The following VWC2 variants were observed in gnomAD, a reference collection of about 807,000 sequenced individuals.
VWC2 encodes the protein brorin.
A neutral mutation model predicts 29.8 loss-of-function variants in VWC2; 14 were observed. The observed-to-expected ratio is 0.47, with a 90% CI of 0.31 to 0.74. The LOEUF (loss-of-function observed/expected upper bound fraction) is 0.74, where lower values mean the gene tolerates loss of function less well. Among genes scored for constraint, VWC2 ranks in the 30% least tolerant of loss-of-function variants. The pLI is 0.05. For synonymous variants in VWC2, 213 were observed against 199.0 expected (o/e 1.07, Z -0.59); for missense variants, 457 against 459.8 (o/e 0.99, Z 0.05).
rs1335687978 is a variant in VWC2 at position 49,917,304 on chromosome 7, C to A, written c.*5119C>A. The A allele has an allele frequency of 6.6e-6, 1 of 152,112 alleles. No individual in the cohort carries two copies. Among genetic ancestry groups the A allele is most frequent in the Non-Finnish European group, 1.5e-5 (1 of 67,990 alleles). The allele number at this position is 152,112 out of a possible 1,614,324, so 9.4% of individuals were successfully genotyped here. On this transcript the variant is annotated 3_prime_UTR_variant, in exon 4 of 4. Transcript: ENST00000340652. ...AGCACCTGCTATTCTAGCCTTAACA[C>A]AAAGATTTGGCTAATTTTTAAATGA...
intron 3 of VWC2, among the ~76,000 whole-genome samples, chr7:49,844,683 T>TTTTTTA (rs1049942678): frequency 6.6e-6 from 1 of 152,116 alleles, no homozygotes; most frequent in Non-Finnish European, 1.5e-5. Flanking sequence ...GGCAAGTCAC[T>TTTTTTA]TTTTTATTTT....
chr7:49,887,739 G>A (rs1791961957), intron 3 of VWC2, among the ~76,000 whole-genome samples: 1 of 152,122 alleles, frequency 6.6e-6, no homozygotes. Context: ...TGTTGAATTA[G>A]GAAGTCTATA....
intron 3 of VWC2, among the ~76,000 whole-genome samples, chr7:49,881,164 G>A (rs953291216): frequency 6.6e-6 from 1 of 152,128 alleles, no homozygotes; most frequent in Non-Finnish European, 1.5e-5. Flanking sequence ...AGCCTTCGGG[G>A]CTACTAGGCT....
At position 49,918,444 on chromosome 7, in the gene VWC2, T is replaced by C. The variant is rs1390125516; in HGVS notation, c.*6259T>C. The C allele has an allele frequency of 6.6e-6, 1 of 152,222 alleles. No individual in the cohort carries two copies. The highest frequency in any genetic ancestry group is 1.5e-5 in the Non-Finnish European group (1 of 68,032). The allele number at this position is 152,222 out of a possible 1,614,324, so 9.4% of individuals were successfully genotyped here. A position where few individuals can be genotyped will look rare whatever the true frequency, so the allele number is the denominator to read the frequency against. ...ATATCAATCTTGATACTTGTCAAAG[T>C]AAATAGTAGCTCGTCACAAAAATGT... On this transcript the variant is annotated 3_prime_UTR_variant, in exon 4 of 4. Coordinates refer to ENST00000340652, the MANE Select transcript of VWC2 (RefSeq NM_198570.5).
chr7:49,822,144 G>T (rs767256730), intron 3 of VWC2, among the ~76,000 whole-genome samples: 1 of 151,728 alleles, frequency 6.6e-6, no homozygotes, highest in Admixed American at 6.6e-5. Flanking sequence ...CTTTATTTTG[G>T]CTGCATATTT....
At chr7:49,899,516 T>C (rs1335369542) in intron 3 of VWC2, among the ~76,000 whole-genome samples, 1 of 151,910 alleles carries the variant, frequency 6.6e-6, no homozygotes, top group African/African-American at 2.4e-5. Flanking sequence ...AAATAAAGGA[T>C]AAGTAGCTAT....
chr7:49,809,473 C>T (rs1042820853), intron 3 of VWC2, among the ~76,000 whole-genome samples: 2 of 151,978 alleles, frequency 1.3e-5, no homozygotes, highest in African/African-American at 4.8e-5. Flanking sequence ...TTTACAAACT[C>T]ACCCAGGAAA....
rs564683849 is a variant in VWC2 at position 49,818,582 on chromosome 7, G to C, written c.826+15742G>C. On this transcript the variant is annotated intron_variant, in intron 3 of 3. Transcript: ENST00000340652. ...AGAGCAACATCCAATCTGCATAGAG[G>C]CTCTGCAGGACCCCGAGAGAGAGTA... Among the ~76,000 whole-genome samples the C allele has an allele frequency of 8.5e-5, 13 of 152,064 alleles. No individual in the cohort carries two copies. In the South Asian group the frequency reaches 2.7e-3, roughly 32 times the overall value.
chr7:49,854,174 T>C (rs1205639806), intron 3 of VWC2, among the ~76,000 whole-genome samples: 2 of 152,212 alleles, frequency 1.3e-5, no homozygotes, highest in East Asian at 3.8e-4. Flanking sequence ...GCAATAAGCA[T>C]ACATGTGCAC....
At chr7:49,831,083 C>T (rs182960503) in intron 3 of VWC2, among the ~76,000 whole-genome samples, 10 of 152,292 alleles carry the variant, frequency 6.6e-5, no homozygotes, top group African/African-American at 2.2e-4. Flanking sequence ...TGCTTGTCTG[C>T]ATCTAAGGTG....
At chr7:49,816,928 A>G (rs1238816418) in intron 3 of VWC2, among the ~76,000 whole-genome samples, 1 of 152,210 alleles carries the variant, frequency 6.6e-6, no homozygotes, top group Non-Finnish European at 1.5e-5. Flanking sequence ...GGAAGTCAAG[A>G]GCCCACTGTT....
chr7:49,812,091 A>C (rs1789024387), intron 3 of VWC2, among the ~76,000 whole-genome samples: 1 of 152,232 alleles, frequency 6.6e-6, no homozygotes, highest in Non-Finnish European at 1.5e-5. Context: ...TTTCTTTGAA[A>C]TATTTTGTGA....
intron 3 of VWC2, among the ~76,000 whole-genome samples, chr7:49,832,648 A>G (rs1034448136): frequency 1.3e-5 from 2 of 152,202 alleles, no homozygotes; most frequent in Non-Finnish European, 2.9e-5. Flanking sequence ...GTTTGGTTCC[A>G]TGGCACTTAG....
chr7:49,912,044 C>T lies in VWC2; in HGVS notation c.837C>T (p.Cys279=), dbSNP rs573196901. ...CCPICKNGPN[C]FAETAVIPAG... ...TTTTCTGCATTTCAGGTCCAAACTG[C>T]TTTGCAGAAACCGCGGTGATCCCTG... Residue 279 remains cysteine (C), a synonymous_variant, in exon 4 of 4, where the codon TGC becomes TGT. Transcript: ENST00000340652. The T allele has an allele frequency of 6.2e-7, 1 of 1,613,424 alleles. No individual in the cohort carries two copies. Among genetic ancestry groups the T allele is most frequent in the African/African-American group, 1.3e-5 (1 of 74,970 alleles).
Position 49,855,810 on chromosome 7 carries a change from G to T in VWC2, c.826+52970G>T, listed in dbSNP as rs1053528738. On this transcript the variant is annotated intron_variant, in intron 3 of 3. Transcript: ENST00000340652. ...CAGCTGCCCTCACCAGCCAGGGGCC[G>T]GTGGCTGACGGTGCACGTTAATTCC... is the stretch of plus-strand genomic sequence containing the variant. Among the ~76,000 whole-genome samples, 3 of 152,116 alleles carry T rather than the reference G, an allele frequency of 2.0e-5. No individual in the cohort carries two copies. In the East Asian group the frequency reaches 5.8e-4, roughly 29 times the overall value.
chr7:49,852,843 A>G (rs1305527265), intron 3 of VWC2, among the ~76,000 whole-genome samples: 3 of 152,180 alleles, frequency 2.0e-5, no homozygotes, highest in African/African-American at 2.4e-5. Context: ...CCATCTAGTG[A>G]CTGGCTCCTT....
chr7:49,913,390 A>C lies in VWC2; in HGVS notation c.*1205A>C, dbSNP rs1195499686. ...TTAATGCATAATAGAAAATAGTTCT[A>C]CCTTTATCAATCATATCAGCATGCG... On this transcript the variant is annotated 3_prime_UTR_variant, in exon 4 of 4. Coordinates refer to ENST00000340652, the MANE Select transcript of VWC2 (RefSeq NM_198570.5). 4 of 152,228 alleles carry C rather than the reference A, an allele frequency of 2.6e-5. No individual in the cohort carries two copies. Among genetic ancestry groups the C allele is most frequent in the Non-Finnish European group, 5.9e-5 (4 of 68,038 alleles). The allele number at this position is 152,228 out of a possible 1,614,324, so 9.4% of individuals were successfully genotyped here. A position where few individuals can be genotyped will look rare whatever the true frequency, so the allele number is the denominator to read the frequency against.
intron 3 of VWC2, among the ~76,000 whole-genome samples, chr7:49,822,125 T>A (rs1340301407): frequency 1.3e-5 from 2 of 152,170 alleles, no homozygotes; most frequent in Admixed American, 1.3e-4. Flanking sequence ...ATTAAAAAAA[T>A]TGAATTCTCT....
chr7:49,865,394 C>G (rs1398109506), intron 3 of VWC2, among the ~76,000 whole-genome samples: 1 of 152,192 alleles, frequency 6.6e-6, no homozygotes, highest in Non-Finnish European at 1.5e-5. Context: ...AACATGAGCA[C>G]TGAATCAATT....
Sources: gnomAD v4.1 joint callset for allele counts (sites outside exome capture counted in the v4.1 genomes callset) on GRCh38, gnomAD v4.1.1 for gene constraint, MANE v1.5 for transcripts, NCBI Gene and HGNC (gene_info 2026-07-23, HGNC 2026-07-21) for gene names.